The following CYB5A variants were observed in gnomAD, a reference collection of about 807,000 sequenced individuals.
CYB5A encodes the protein cytochrome b5 type A.
A neutral mutation model predicts 16.2 loss-of-function variants in CYB5A; 10 were observed. The observed-to-expected ratio is 0.62, with a 90% CI of 0.38 to 1.04. CYB5A has a LOEUF of 1.04. Ranked by LOEUF, CYB5A falls within the 50% of genes least tolerant of loss-of-function variation. The pLI, the probability that CYB5A is intolerant of heterozygous loss-of-function variation, is 0.01. For missense variants in CYB5A, 161 were observed against 165.9 expected (o/e 0.97, Z 0.16); for synonymous variants, 62 against 57.0 (o/e 1.09, Z -0.40).
intron 3 of CYB5A, chr18:74,259,448 A>C (rs1982112185): frequency 6.6e-6 from 1 of 152,254 alleles, no homozygotes. Context: ...CAATTAATCC[A>C]ACAGAGTATA....
chr18:74,255,858 G>A lies in CYB5A; in HGVS notation c.289-83C>T, dbSNP rs1981957708. Reference sequence around the variant, plus strand: ...TGACTAAAATCCTGTTTGAAAATAAGAACACAATATTTTATGCAATGCATT... The same window carrying A: ...TGACTAAAATCCTGTTTGAAAATAAAAACACAATATTTTATGCAATGCATT... On this transcript the variant is annotated intron_variant, in intron 3 of 4. Coordinates refer to ENST00000340533, the MANE Select transcript of CYB5A (RefSeq NM_148923.4). The A allele has an allele frequency of 1.3e-5, 15 of 1,114,424 alleles. No homozygotes were observed. In the South Asian group the frequency reaches 1.7e-4, roughly 13 times the overall value. The allele number at this position is 1,114,424 out of a possible 1,614,324, so 69.0% of individuals were successfully genotyped here.
intron 1 of CYB5A, among the ~76,000 whole-genome samples, chr18:74,277,908 G>A (rs1026329221): frequency 3.3e-5 from 5 of 152,198 alleles, no homozygotes; most frequent in Admixed American, 2.6e-4. Flanking sequence ...GACTGGAAGA[G>A]AGCACCTGGA....
intron 1 of CYB5A, among the ~76,000 whole-genome samples, chr18:74,270,293 G>A (rs566616527): frequency 1.2e-4 from 19 of 152,182 alleles, no homozygotes; most frequent in South Asian, 8.3e-4. Context: ...GGTGGCTGAC[G>A]CCTGTAATCC....
intron 1 of CYB5A, among the ~76,000 whole-genome samples, chr18:74,284,215 A>C (rs4891543): frequency 2.0e-5 from 3 of 147,182 alleles, no homozygotes; most frequent in Middle Eastern, 3.5e-3. Context: ...CTGGGCAACA[A>C]CAGTGAAACT....
At chr18:74,267,965 GGA>G (rs1268687652) in intron 1 of CYB5A, among the ~76,000 whole-genome samples, 1 of 152,200 alleles carries the variant, frequency 6.6e-6, no homozygotes, top group East Asian at 1.9e-4. Context: ...GGATGGGCAT[GGA>G]GATGCAAAGC....
chr18:74,291,521 A>AGCGCGCAGGTGTGC (rs1983540258), intron 1 of CYB5A, among the ~76,000 whole-genome samples: 1 of 137,936 alleles, frequency 7.2e-6, no homozygotes, highest in Non-Finnish European at 1.5e-5. Flanking sequence ...CCCAGGTGTG[A>AGCGCGCAGGTGTGC]GCGCGCAGGT....
At chr18:74,289,007 G>A (rs755860578) in intron 1 of CYB5A, among the ~76,000 whole-genome samples, 1 of 152,072 alleles carries the variant, frequency 6.6e-6, no homozygotes, top group African/African-American at 2.4e-5. Flanking sequence ...TGCAGTTCTC[G>A]CAATGCCTGA....
chr18:74,284,444 T>C (rs948778099), intron 1 of CYB5A, among the ~76,000 whole-genome samples: 3 of 152,148 alleles, frequency 2.0e-5, no homozygotes, highest in Non-Finnish European at 4.4e-5. Flanking sequence ...GATTAATGAA[T>C]GGCATTTACT....
At chr18:74,273,287 C>T (rs562668113) in intron 1 of CYB5A, among the ~76,000 whole-genome samples, 269 of 152,304 alleles carry the variant, frequency 1.8e-3, no homozygotes, top group Non-Finnish European at 2.8e-3. Flanking sequence ...TCCCAATAAA[C>T]GGCACTTCCT....
intron 1 of CYB5A, among the ~76,000 whole-genome samples, chr18:74,285,521 C>A (rs1041273443): frequency 2.0e-5 from 3 of 152,212 alleles, no homozygotes; most frequent in African/African-American, 7.2e-5. Flanking sequence ...TTCCTCCACT[C>A]CTAAGAACCG....
chr18:74,288,116 T>C (rs917231801), intron 1 of CYB5A, among the ~76,000 whole-genome samples: 5 of 152,330 alleles, frequency 3.3e-5, no homozygotes, highest in African/African-American at 1.2e-4. Context: ...TAAGCCAGTC[T>C]TCCCTCTTAG....
intron 1 of CYB5A, among the ~76,000 whole-genome samples, chr18:74,281,733 T>G: frequency 9.5e-6 from 1 of 105,474 alleles, no homozygotes; most frequent in African/African-American, 4.4e-5. Context: ...GGCAGAAGAG[T>G]CAAGGGAGGC....
chr18:74,255,990 C>T, intron 3 of CYB5A: 1 of 545,972 alleles, frequency 1.8e-6, no homozygotes, highest in Non-Finnish European at 3.3e-6. Context: ...TACTTAAGGA[C>T]ATAACCTCAA....
At chr18:74,260,977 T>C (rs1982177184) in intron 2 of CYB5A, 33 bp from the exon 3 acceptor site, 1 of 1,588,732 alleles carries the variant, frequency 6.3e-7, no homozygotes, top group East Asian at 2.2e-5. Flanking sequence ...ATTATGGAAT[T>C]TAAAAATCTA....
chr18:74,291,862 G>T lies in CYB5A; in HGVS notation c.14C>A (p.Ser5Ter). 2 of 1,613,008 alleles carry T rather than the reference G, an allele frequency of 1.2e-6. No individual in the cohort carries two copies. Among genetic ancestry groups the T allele is most frequent in the Non-Finnish European group, 1.7e-6 (2 of 1,179,858 alleles). Residue 5 changes from serine (S) to a stop codon, truncating the protein, a stop_gained, in exon 1 of 5, where the codon TCG becomes TAG. Transcript: ENST00000340533. LOFTEE classifies it high-confidence loss of function. MAEQ[S>*]DEAVKYYTLE... Reference sequence around the variant, plus strand: ...GGTGTAGTACTTCACGGCCTCGTCCGACTGCTCTGCCATCTCGGTTCGCCG... The same window carrying T: ...GGTGTAGTACTTCACGGCCTCGTCCTACTGCTCTGCCATCTCGGTTCGCCG...
chr18:74,289,566 A>C (rs1449162555), intron 1 of CYB5A, among the ~76,000 whole-genome samples: 2 of 152,164 alleles, frequency 1.3e-5, no homozygotes, highest in South Asian at 2.1e-4. Context: ...ACCTGAGATC[A>C]GCAGTTCGAG....
rs1599242168 is a variant in CYB5A, at chr18:74,253,587, G to A, written c.402C>T (p.Asp134=). The A allele has an allele frequency of 6.2e-7, 1 of 1,610,820 alleles. No homozygotes were observed. ...GCGCTGACTTCTGAGGAGGTGTTCA[G>A]TCCTCTGCCATGTATAGGCGATACA... ...ALMYRLYMAE[D] is the part of the protein sequence containing the mutation. The change falls in exon 5 of 5, where the codon GAC becomes GAT. Residue 134 remains aspartate (D), a synonymous_variant. Transcript: ENST00000340533.
intron 1 of CYB5A, 69 bp downstream of exon 1, chr18:74,291,678 G>A (rs1390908144): frequency 1.9e-6 from 3 of 1,608,110 alleles, no homozygotes; most frequent in African/African-American, 1.3e-5. Context: ...GCGAAAGACA[G>A]GTCATGCCAG....
rs554769852 is a variant in CYB5A, at chr18:74,252,005, C to T, written c.*1579G>A. Reference sequence around the variant, plus strand: ...TTTTAAAAACTACTAAAATGTGAAGCTTTATAGCTAAAAATCACAACCAAA... The same window carrying T: ...TTTTAAAAACTACTAAAATGTGAAGTTTTATAGCTAAAAATCACAACCAAA... On this transcript the variant is annotated 3_prime_UTR_variant, in exon 5 of 5. Coordinates refer to ENST00000340533, the MANE Select transcript of CYB5A (RefSeq NM_148923.4). The T allele has an allele frequency of 6.6e-6, 1 of 152,188 alleles. No homozygotes were observed. Among genetic ancestry groups the T allele is most frequent in the South Asian group, 2.1e-4 (1 of 4,826 alleles). 9.4% of individuals were successfully genotyped at this position (152,188 alleles called of 1,614,324 possible).
Sources: gnomAD v4.1 joint callset for allele counts (sites outside exome capture counted in the v4.1 genomes callset) on GRCh38, gnomAD v4.1.1 for gene constraint, MANE v1.5 for transcripts, NCBI Gene and HGNC (gene_info 2026-07-23, HGNC 2026-07-21) for gene names.